The following SERPINB9 variants were observed in gnomAD, a reference collection of about 807,000 sequenced individuals.
The protein encoded by SERPINB9 is serpin family B member 9.
SERPINB9 carries 20 observed loss-of-function variants against 27.2 expected under a neutral mutation model. The observed-to-expected ratio is 0.74, with a 90% CI of 0.52 to 1.07. SERPINB9 has a LOEUF of 1.07. Among genes scored for constraint, SERPINB9 ranks in the 50% least tolerant of loss-of-function variants. The pLI is 0.00. For synonymous variants in SERPINB9, 189 were observed against 180.0 expected, an observed-to-expected ratio of 1.05 and a Z score of -0.40; for missense variants, 476 against 460.1, an observed-to-expected ratio of 1.03 and a Z score of -0.32.
chr6:2,902,845 A>T (rs1326730428), intron 1 of SERPINB9, among the ~76,000 whole-genome samples: 1 of 152,188 alleles, frequency 6.6e-6, no homozygotes, highest in African/African-American at 2.4e-5. Flanking sequence ...AGGACAGTGA[A>T]GAAGCAGGAC....
rs1176766488 is a variant in SERPINB9, at chr6:2,887,361, G to C, written c.*2802C>G. 1 of 151,936 alleles carries C rather than the reference G, an allele frequency of 6.6e-6. No homozygotes were observed. The highest frequency in any genetic ancestry group is 1.9e-4 in the East Asian group (1 of 5,190). The allele number at this position is 151,936 out of a possible 1,614,324, so 9.4% of individuals were successfully genotyped here. ...GAATGAGAGAAAATATAAAACAGAG[G>C]GATAATATCTTTAATAGGCAAAGAC... On this transcript the variant is annotated 3_prime_UTR_variant, in exon 7 of 7. Coordinates refer to ENST00000380698, the MANE Select transcript of SERPINB9 (RefSeq NM_004155.6).
In SERPINB9 at chr6:2,895,492, C is replaced by T; in HGVS notation, c.323G>A (p.Cys108Tyr). The change falls in exon 4 of 7, where the codon TGT becomes TAT. Residue 108 changes from cysteine to tyrosine, a missense_variant. Coordinates refer to ENST00000380698, the MANE Select transcript of SERPINB9 (RefSeq NM_004155.6). Reference protein sequence around the residue: ...CQFLSTFKESCLQFYHAELKE... With the variant: ...CQFLSTFKESYLQFYHAELKE... Reference sequence around the variant, plus strand: ...CAGCTCAGCATGGTAGAATTGAAGACAGGATTCCTTAAACGTCTTTGGAGA... The same window carrying T: ...CAGCTCAGCATGGTAGAATTGAAGATAGGATTCCTTAAACGTCTTTGGAGA... 1 of 1,613,026 alleles carries T rather than the reference C, an allele frequency of 6.2e-7. No homozygotes were observed. Among genetic ancestry groups the T allele is most frequent in the Non-Finnish European group, 8.5e-7 (1 of 1,179,390 alleles).
chr6:2,893,053 C>CGTTTT (rs542385110), intron 5 of SERPINB9, among the ~76,000 whole-genome samples: 9 of 113,534 alleles, frequency 7.9e-5, no homozygotes, highest in African/African-American at 1.3e-4. Flanking sequence ...TACCTTAACA[C>CGTTTT]TTTTTTTTTT....
intron 2 of SERPINB9, chr6:2,900,111 A>C (rs1768144923): frequency 2.6e-6 from 1 of 384,386 alleles, no homozygotes; most frequent in South Asian, 2.4e-5. Flanking sequence ...TGCTCCAAAA[A>C]AGAGGTAGTT....
At chr6:2,895,748 A>G (rs1767973961) in intron 3 of SERPINB9, among the ~76,000 whole-genome samples, 1 of 152,200 alleles carries the variant, frequency 6.6e-6, no homozygotes, top group African/African-American at 2.4e-5. Flanking sequence ...AGAAAAGTAG[A>G]GACTACTTTT....
intron 5 of SERPINB9, 22 bp from the exon 6 acceptor site, chr6:2,892,010 G>T: frequency 6.5e-7 from 1 of 1,539,698 alleles, no homozygotes. Context: ...ATTATTGAAA[G>T]ACGCAATTAA....
In SERPINB9 at chr6:2,894,614, A is replaced by G. The variant is rs1767931289; in HGVS notation, c.424+777T>C. ...ACCTAGGAAGAGGCAGCCCAAGTGT[A>G]TACCTCAGGCAAGATCTGTCCACCA... On this transcript the variant is annotated intron_variant, in intron 4 of 6. Transcript: ENST00000380698. The surrounding 1 kb of genome is among the most constrained non-coding windows in gnomAD (Gnocchi z 4.7). 1.3e-5 allele frequency among the ~76,000 whole-genome samples: 2 copies of G among 152,234 alleles called. No homozygotes were observed. The highest frequency in any genetic ancestry group is 1.5e-5 in the Non-Finnish European group (1 of 68,036).
At position 2,890,683 on chromosome 6, in the gene SERPINB9, G is replaced by C. The variant is rs533150013; in HGVS notation, c.724-113C>G. Reference sequence around the variant, plus strand: ...CACGTAGGTGTTGTTTGTTCACATAGGATCAGTGGCCCCTTCATCTGCCAG... The same window carrying C: ...CACGTAGGTGTTGTTTGTTCACATACGATCAGTGGCCCCTTCATCTGCCAG... On this transcript the variant is annotated intron_variant, in intron 6 of 6. Transcript: ENST00000380698. This position sits in a 1 kb window ranked among gnomAD's most constrained non-coding sequence, Gnocchi z 6.2. The C allele has an allele frequency of 8.0e-6, 8 of 1,005,778 alleles. No individual in the cohort carries two copies. In the African/African-American group the frequency reaches 1.3e-4, roughly 16 times the overall value. 62.3% of individuals were successfully genotyped at this position (1,005,778 alleles called of 1,614,324 possible). A position where few individuals can be genotyped will look rare whatever the true frequency, so the allele number is the denominator to read the frequency against.
rs191838777 is a variant in SERPINB9, at chr6:2,889,995, C to T, written c.*168G>A. On this transcript the variant is annotated 3_prime_UTR_variant, in exon 7 of 7. Transcript: ENST00000380698. ...CAAGATTCTGATTAAGTAGCATAAG[C>T]GAGTGTGGAGCATCATGAATTCATG... 8.2e-4 allele frequency: 461 copies of T among 561,038 alleles called. 3 individuals carry two copies. The highest frequency in any genetic ancestry group is 6.5e-3 in the African/African-American group (352 of 53,900). The allele number at this position is 561,038 out of a possible 1,614,324, so 34.8% of individuals were successfully genotyped here.
chr6:2,892,628 T>C (rs1215280874), intron 5 of SERPINB9, among the ~76,000 whole-genome samples: 1 of 152,204 alleles, frequency 6.6e-6, no homozygotes, highest in African/African-American at 2.4e-5. Flanking sequence ...TTGATACAGA[T>C]CATTTATTAT....
chr6:2,895,992 C>A, intron 3 of SERPINB9, 61 bp downstream of exon 3: 1 of 1,506,690 alleles, frequency 6.6e-7, no homozygotes. Flanking sequence ...GTCTTTCTCC[C>A]AGACTCTATA....
chr6:2,892,329 T>A (rs567981929), intron 5 of SERPINB9, among the ~76,000 whole-genome samples: 2 of 152,130 alleles, frequency 1.3e-5, no homozygotes, highest in Admixed American at 6.5e-5. Flanking sequence ...TTTGTTTTGA[T>A]TTAATTAGAA....
Position 2,891,215 on chromosome 6 carries a change from G to A in SERPINB9, c.723+618C>T, listed in dbSNP as rs1040510545. Among the ~76,000 whole-genome samples the A allele has an allele frequency of 6.6e-6, 1 of 152,184 alleles. No individual in the cohort carries two copies. The highest frequency in any genetic ancestry group is 1.5e-5 in the Non-Finnish European group (1 of 68,030). ...CATGCTGAAAGGAAGCCGAGTGCCTGGATGTGCCCTCAGAGGCTGCCTCTG... is the reference window on the plus strand; with the variant it reads ...CATGCTGAAAGGAAGCCGAGTGCCTAGATGTGCCCTCAGAGGCTGCCTCTG... On this transcript the variant is annotated intron_variant, in intron 6 of 6. Transcript: ENST00000380698. This position sits in a 1 kb window ranked among gnomAD's most constrained non-coding sequence, Gnocchi z 4.0.
In SERPINB9 at chr6:2,891,310, T is replaced by C. The variant is rs887447575; in HGVS notation, c.723+523A>G. Among the ~76,000 whole-genome samples, 1 of 152,202 alleles carries C rather than the reference T, an allele frequency of 6.6e-6. No homozygotes were observed. The highest frequency in any genetic ancestry group is 1.5e-5 in the Non-Finnish European group (1 of 68,036). On this transcript the variant is annotated intron_variant, in intron 6 of 6. Transcript: ENST00000380698. The surrounding 1 kb of genome is among the most constrained non-coding windows in gnomAD (Gnocchi z 4.0). ...CCTCCCAGCCTTGTTAGGTCAAAGT[T>C]AAGACTTCCTCATTCTCTATTTCAG... is the stretch of plus-strand genomic sequence containing the variant.
intron 1 of SERPINB9, among the ~76,000 whole-genome samples, chr6:2,901,243 G>A (rs1768192007): frequency 6.6e-6 from 1 of 152,194 alleles, no homozygotes; most frequent in African/African-American, 2.4e-5. Flanking sequence ...GGCCCACGCG[G>A]CCTGACATCC....
At chr6:2,892,381 T>A (rs970817785) in intron 5 of SERPINB9, among the ~76,000 whole-genome samples, 2 of 151,908 alleles carry the variant, frequency 1.3e-5, no homozygotes, top group Non-Finnish European at 1.5e-5. Flanking sequence ...ACCCAACATA[T>A]GAGAAAAAAA....
chr6:2,895,223 G>A (rs1767952162), intron 4 of SERPINB9, among the ~76,000 whole-genome samples, 168 bp downstream of exon 4: 2 of 152,142 alleles, frequency 1.3e-5, no homozygotes, highest in Non-Finnish European at 2.9e-5. Flanking sequence ...TGAAACACCC[G>A]TGAAATTAGA....
intron 5 of SERPINB9, among the ~76,000 whole-genome samples, 190 bp downstream of exon 5, chr6:2,893,221 A>ATATAATATAT: frequency 7.1e-6 from 1 of 141,198 alleles, no homozygotes; most frequent in East Asian, 2.0e-4. Context: ...ACGTATATAT[A>ATATAATATAT]ATATATATAT....
chr6:2,903,208 C>G lies in SERPINB9; in HGVS notation c.-18G>C, dbSNP rs1768259889. The G allele has an allele frequency of 6.6e-6, 1 of 152,316 alleles. No homozygotes were observed. 9.4% of individuals were successfully genotyped at this position (152,316 alleles called of 1,614,324 possible). A position where few individuals can be genotyped will look rare whatever the true frequency, so the allele number is the denominator to read the frequency against. ...GCGCGGGGACGCCCTCACCTGCCAC[C>G]TAGTCCAGCGCTGCCGCCGTCTCCG... On this transcript the variant is annotated 5_prime_UTR_variant, in exon 1 of 7. Coordinates refer to ENST00000380698, the MANE Select transcript of SERPINB9 (RefSeq NM_004155.6). The surrounding 1 kb of genome is among the most constrained non-coding windows in gnomAD (Gnocchi z 5.2).
Sources: gnomAD v4.1 joint callset for allele counts (sites outside exome capture counted in the v4.1 genomes callset) on GRCh38, gnomAD v4.1.1 for gene constraint, Gnocchi (gnomAD v3.1) non-coding constraint, MANE v1.5 for transcripts, NCBI Gene and HGNC (gene_info 2026-07-23, HGNC 2026-07-21) for gene names.